Variants in SMARCD3 observed in about 807,000 individuals in gnomAD.
SMARCD3 encodes SWI/SNF-related matrix-associated actin-dependent regulator of chromatin subfamily D member 3.
In SMARCD3, 14 loss-of-function variants were observed where a neutral mutation model predicts 58.0. The ratio of observed to expected loss-of-function variants is 0.24; its 90% CI spans 0.16 to 0.38. SMARCD3 has a LOEUF of 0.38. Among genes scored for constraint, SMARCD3 ranks in the 10% least tolerant of loss-of-function variants. The probability of loss-of-function intolerance (pLI) is 1.00; values close to 1 mark genes in which losing one functional copy is unlikely to be tolerated. For synonymous variants in SMARCD3, 253 were observed against 253.8 expected, an observed-to-expected ratio of 1.00 and a Z score of 0.03; for missense variants, 408 against 636.9, an observed-to-expected ratio of 0.64 and a Z score of 3.87.
chr7:151,239,559 A>G lies in SMARCD3; in HGVS notation c.1297-62T>C, dbSNP rs1802846241. On this transcript the variant is annotated intron_variant, in intron 11 of 12. Coordinates refer to ENST00000262188, the MANE Select transcript of SMARCD3 (RefSeq NM_001003801.2). The surrounding 1 kb of genome is among the most constrained non-coding windows in gnomAD (Gnocchi z 7.0). ...TCCCCTCACCTGCCCCTGGAGTACA[A>G]CGTTTACTCTCTTTCCCGCTGTGCT... is the stretch of plus-strand genomic sequence containing the variant. 8 of 1,611,226 alleles carry G rather than the reference A, an allele frequency of 5.0e-6. No homozygotes were observed. The Admixed American group carries it at 8.3e-5, about 17-fold the overall frequency.
chr7:151,238,837 A>G lies in SMARCD3; in HGVS notation c.*266T>C. On this transcript the variant is annotated 3_prime_UTR_variant, in exon 13 of 13. Coordinates refer to ENST00000262188, the MANE Select transcript of SMARCD3 (RefSeq NM_001003801.2). ...CTTCTGCCAAACTGTTTTTAGGTCT[A>G]GGGAAAATTGAGTAAGGAGAAGAAT... is the stretch of plus-strand genomic sequence containing the variant. The G allele has an allele frequency of 1.3e-6, 2 of 1,508,084 alleles. No homozygotes were observed. Among genetic ancestry groups the G allele is most frequent in the South Asian group, 2.4e-5 (2 of 82,486 alleles). 93.4% of individuals were successfully genotyped at this position (1,508,084 alleles called of 1,614,324 possible). A position where few individuals can be genotyped will look rare whatever the true frequency, so the allele number is the denominator to read the frequency against.
chr7:151,239,785 G>T lies in SMARCD3; in HGVS notation c.1174-39C>A, dbSNP rs774171415. 6.2e-7 allele frequency: 1 copy of T among 1,610,952 alleles called. No homozygotes were observed. Among genetic ancestry groups the T allele is most frequent in the Non-Finnish European group, 8.5e-7 (1 of 1,178,174 alleles). On this transcript the variant is annotated intron_variant, in intron 10 of 12. Coordinates refer to ENST00000262188, the MANE Select transcript of SMARCD3 (RefSeq NM_001003801.2). The surrounding 1 kb of genome is among the most constrained non-coding windows in gnomAD (Gnocchi z 7.0). ...GATAGATGCTTTCCACCTGGCTTTGGTGATGTGGGAGACGAGGGGAAAGGA... is the reference window on the plus strand; with the variant it reads ...GATAGATGCTTTCCACCTGGCTTTGTTGATGTGGGAGACGAGGGGAAAGGA...
chr7:151,264,668 G>A (rs1216906426), intron 2 of SMARCD3, among the ~76,000 whole-genome samples: 1 of 152,218 alleles, frequency 6.6e-6, no homozygotes, highest in African/African-American at 2.4e-5. Context: ...GAGGTAAATG[G>A]TGGGATCCAT....
chr7:151,262,421 T>C (rs73480573), intron 2 of SMARCD3, among the ~76,000 whole-genome samples: 5,040 of 152,302 alleles, frequency 0.033, 291 homozygotes, highest in African/African-American at 0.11. Flanking sequence ...AGGCCAGTTA[T>C]TGGCCTAGAA....
rs1262224766 is a variant in SMARCD3, at chr7:151,259,616, T to TG, written c.40-13946_40-13945insC. 2.2e-3 allele frequency among the ~76,000 whole-genome samples: 277 copies of TG among 125,748 alleles called. 4 individuals carry two copies. The highest frequency in any genetic ancestry group is 8.7e-3 in the African/African-American group (266 of 30,676). 82.5% of individuals were successfully genotyped at this position (125,748 alleles called of 152,430 possible). A position where few individuals can be genotyped will look rare whatever the true frequency, so the allele number is the denominator to read the frequency against. On this transcript the variant is annotated intron_variant, in intron 2 of 13. Transcript: ENST00000356800. ...CAACCTGAGAGTTTTTTTTTTTTTT[T>TG]TTTTTTTTTTGAGACGGACTTTCAC...
At chr7:151,251,350 C>T (rs1803502997), upstream of SMARCD3, among the ~76,000 whole-genome samples, 2 of 152,290 alleles carry the variant, frequency 1.3e-5, no homozygotes, top group Middle Eastern at 3.4e-3. Flanking sequence ...AATACAAGCA[C>T]CAAAAGGTCG....
chr7:151,268,781 T>A (rs1014539025), intron 2 of SMARCD3, among the ~76,000 whole-genome samples: 8 of 152,214 alleles, frequency 5.3e-5, no homozygotes, highest in African/African-American at 2.4e-5. Context: ...CTTTTTTTTT[T>A]AATGTAGAGA....
chr7:151,276,943 GGGA>G (rs1206230497), upstream of SMARCD3: 6 of 143,198 alleles, frequency 4.2e-5, no homozygotes, highest in Admixed American at 6.9e-5. Context: ...CCAGGCAGGG[GGGA>G]GGAGGAGGAG....
At position 151,242,410 on chromosome 7, in the gene SMARCD3, C is replaced by T. The variant is rs927738548; in HGVS notation, c.579+71G>A. On this transcript the variant is annotated intron_variant, in intron 5 of 12. Coordinates refer to ENST00000262188, the MANE Select transcript of SMARCD3 (RefSeq NM_001003801.2). The surrounding 1 kb of genome is among the most constrained non-coding windows in gnomAD (Gnocchi z 4.7). Reference sequence around the variant, plus strand: ...CTGACTCCCTAGCCCTTAGTGCAGACACCTTGTTCTGTTCTCAGTGCAGCC... The same window carrying T: ...CTGACTCCCTAGCCCTTAGTGCAGATACCTTGTTCTGTTCTCAGTGCAGCC... 15 of 1,588,668 alleles carry T rather than the reference C, an allele frequency of 9.4e-6. No individual in the cohort carries two copies. The highest frequency in any genetic ancestry group is 1.3e-5 in the Non-Finnish European group (15 of 1,163,642).
Position 151,248,468 on chromosome 7 carries a change from A to G in SMARCD3, c.78+17T>C. Reference sequence around the variant, plus strand: ...GCCAGCTCGCTTGCCCTCCCCCGCTAACTTTCCCCCACTCACCACCCCATG... The same window carrying G: ...GCCAGCTCGCTTGCCCTCCCCCGCTGACTTTCCCCCACTCACCACCCCATG... On this transcript the variant is annotated intron_variant, in intron 1 of 12. Transcript: ENST00000262188. This position sits in a 1 kb window ranked among gnomAD's most constrained non-coding sequence, Gnocchi z 6.1. 2 of 1,576,254 alleles carry G rather than the reference A, an allele frequency of 1.3e-6. No individual in the cohort carries two copies. Among genetic ancestry groups the G allele is most frequent in the Non-Finnish European group, 1.7e-6 (2 of 1,149,300 alleles).
In SMARCD3 at chr7:151,245,528, G is replaced by C; in HGVS notation, c.222C>G (p.Pro74=). 2 of 1,221,668 alleles carry C rather than the reference G, an allele frequency of 1.6e-6. No homozygotes were observed. The highest frequency in any genetic ancestry group is 2.0e-6 in the Non-Finnish European group (2 of 980,364). The allele number at this position is 1,221,668 out of a possible 1,614,324, so 75.7% of individuals were successfully genotyped here. ...TCTGTGCCTGGCTCTGCCCGGGCGG[G>C]GGCGCTGCTCGCTTGCGGGCGGGCT... is the stretch of plus-strand genomic sequence containing the variant. ...GMEPARKRAA[P]PPGQSQAQSQ... Residue 74 remains proline, a synonymous_variant, in exon 2 of 13, where the codon CCC becomes CCG. Transcript: ENST00000262188. This position sits in a 1 kb window ranked among gnomAD's most constrained non-coding sequence, Gnocchi z 6.2.
In SMARCD3 at chr7:151,239,211, A is replaced by T. The variant is rs575326335; in HGVS notation, c.1399-55T>A. On this transcript the variant is annotated intron_variant, in intron 12 of 12. Coordinates refer to ENST00000262188, the MANE Select transcript of SMARCD3 (RefSeq NM_001003801.2). The surrounding 1 kb of genome is among the most constrained non-coding windows in gnomAD (Gnocchi z 7.0). ...GTCAGTGTTCTGGTGAGTGATCAGG[A>T]CAATCCCACCTACTGACACCGCCTG... 6.3e-7 allele frequency: 1 copy of T among 1,581,852 alleles called. No homozygotes were observed. Among genetic ancestry groups the T allele is most frequent in the East Asian group, 2.2e-5 (1 of 44,696 alleles).
At position 151,242,390 on chromosome 7, in the gene SMARCD3, TC is replaced by T; in HGVS notation, c.579+90del. Reference sequence around the variant, plus strand: ...GCCCCTCCACCCAGCCTGGGCTGACTCCCTAGCCCTTAGTGCAGACACCTTG... The same window carrying T: ...GCCCCTCCACCCAGCCTGGGCTGACTCCTAGCCCTTAGTGCAGACACCTTG... On this transcript the variant is annotated intron_variant, in intron 5 of 12. Transcript: ENST00000262188. The surrounding 1 kb of genome is among the most constrained non-coding windows in gnomAD (Gnocchi z 4.7). 6.5e-7 allele frequency: 1 copy of T among 1,540,886 alleles called. No individual in the cohort carries two copies. Among genetic ancestry groups the T allele is most frequent in the Admixed American group, 1.7e-5 (1 of 58,776 alleles).
Position 151,242,182 on chromosome 7 carries a change from G to A in SMARCD3, c.630C>T (p.Ile210=), listed in dbSNP as rs141935992. 7.9e-5 allele frequency: 127 copies of A among 1,614,072 alleles called. 1 individual carries two copies. In the African/African-American group the frequency reaches 1.2e-3, roughly 15 times the overall value. Residue 210 remains isoleucine (I), a synonymous_variant, in exon 6 of 13, where the codon ATC becomes ATT. Transcript: ENST00000262188. This position sits in a 1 kb window ranked among gnomAD's most constrained non-coding sequence, Gnocchi z 4.7. ...GGCCATAAAGATCTTTGTCCAGCTC[G>A]ATGACCAAACTCTTGAAGAAAGAAG... The part of the protein sequence containing the change: ...KFSSFFKSLV[I]ELDKDLYGPD...
In SMARCD3 at chr7:151,265,913, C is replaced by T. The variant is rs924311832; in HGVS notation, c.39+9201G>A. Among the ~76,000 whole-genome samples the T allele has an allele frequency of 7.2e-5, 11 of 152,062 alleles. No homozygotes were observed. In the East Asian group the frequency reaches 1.2e-3, roughly 16 times the overall value. ...AATTTATCACTCTTTGGTAATCACC[C>T]GTTGCACTGTGGAGTTGAATTGACC... On this transcript the variant is annotated intron_variant, in intron 2 of 13. Transcript: ENST00000356800.
chr7:151,243,776 A>C lies in SMARCD3; in HGVS notation c.291-75T>G. On this transcript the variant is annotated intron_variant, in intron 2 of 12. Transcript: ENST00000262188. This position sits in a 1 kb window ranked among gnomAD's most constrained non-coding sequence, Gnocchi z 4.4. ...GCGTAACGAGGCCACCTGCTAGATT[A>C]TCCCGACATCTCCGCCCGCCTGGCT... is the stretch of plus-strand genomic sequence containing the variant. 4 of 1,030,822 alleles carry C rather than the reference A, an allele frequency of 3.9e-6. No homozygotes were observed. Among genetic ancestry groups the C allele is most frequent in the Non-Finnish European group, 6.2e-6 (4 of 648,074 alleles). 63.9% of individuals were successfully genotyped at this position (1,030,822 alleles called of 1,614,324 possible).
At chr7:151,247,918 G>T (rs1803350149) in intron 1 of SMARCD3, among the ~76,000 whole-genome samples, 1 of 152,160 alleles carries the variant, frequency 6.6e-6, no homozygotes, top group African/African-American at 2.4e-5. Flanking sequence ...CCTAACTTGG[G>T]CTAAGTCCCT....
rs1405673858 is a variant in SMARCD3 at position 151,246,604 on chromosome 7, T to G, written c.79-933A>C. Reference sequence around the variant, plus strand: ...CAGGTCAGCAGCCACCTCCTCCTCTTCCCATCCCCACCCCAGTGAGGTCAG... The same window carrying G: ...CAGGTCAGCAGCCACCTCCTCCTCTGCCCATCCCCACCCCAGTGAGGTCAG... On this transcript the variant is annotated intron_variant, in intron 1 of 12. Coordinates refer to ENST00000262188, the MANE Select transcript of SMARCD3 (RefSeq NM_001003801.2). The surrounding 1 kb of genome is among the most constrained non-coding windows in gnomAD (Gnocchi z 4.4). Among the ~76,000 whole-genome samples, 1 of 152,110 alleles carries G rather than the reference T, an allele frequency of 6.6e-6. No individual in the cohort carries two copies. Among genetic ancestry groups the G allele is most frequent in the African/African-American group, 2.4e-5 (1 of 41,418 alleles).
At chr7:151,267,610 G>A (rs1795038755) in intron 2 of SMARCD3, among the ~76,000 whole-genome samples, 1 of 152,200 alleles carries the variant, frequency 6.6e-6, no homozygotes, top group Non-Finnish European at 1.5e-5. Flanking sequence ...ATCTGTTCTA[G>A]GGGGAGGGTC....
Sources: allele counts gnomAD v4.1 joint callset (sites outside exome capture counted in the v4.1 genomes callset), GRCh38; gene constraint gnomAD v4.1.1; non-coding constraint Gnocchi (gnomAD v3.1); transcripts MANE v1.5; gene names NCBI Gene and HGNC (gene_info 2026-07-23, HGNC 2026-07-21).